KCNU1: variants seen among roughly 807,000 people sequenced by gnomAD.
The protein encoded by KCNU1 is potassium channel subfamily U member 1.
A neutral mutation model predicts 126.8 loss-of-function variants in KCNU1; 93 were observed. That is an observed-to-expected ratio of 0.73 (90% CI 0.62 to 0.87). KCNU1 has a LOEUF of 0.87. KCNU1 is among the 40% of genes least tolerant of loss of function. The probability of loss-of-function intolerance (pLI) is 0.00; values close to 1 mark genes in which losing one functional copy is unlikely to be tolerated. For missense variants in KCNU1, 1,330 were observed against 1,367.1 expected (o/e 0.97, Z 0.43); for synonymous variants, 523 against 494.2 (o/e 1.06, Z -0.77).
chr8:36,875,393 A>G (rs1806244054), intron 19 of KCNU1, among the ~76,000 whole-genome samples: 1 of 148,926 alleles, frequency 6.7e-6, no homozygotes, highest in Admixed American at 6.7e-5. Flanking sequence ...TATTACAGAT[A>G]TATAATAGTG....
At chr8:36,897,887 T>C (rs970968) in intron 19 of KCNU1, among the ~76,000 whole-genome samples, 58,531 of 151,960 alleles carry the variant, frequency 0.39, 11,419 homozygotes, top group Admixed American at 0.44. Context: ...AACACACAGA[T>C]GGGGAGGACT....
intron 18 of KCNU1, among the ~76,000 whole-genome samples, chr8:36,855,983 A>T (rs1805514960): frequency 6.6e-6 from 1 of 152,184 alleles, no homozygotes; most frequent in South Asian, 2.1e-4. Context: ...AGTCCACAAC[A>T]GTCACATTTT....
At chr8:36,905,615 T>C in intron 19 of KCNU1, 93 bp from the exon 20 acceptor site, 1 of 773,068 alleles carries the variant, frequency 1.3e-6, no homozygotes, top group South Asian at 1.4e-5. Context: ...ATTCTCCTCT[T>C]TGAGCTCAAG....
chr8:36,880,762 C>T (rs1282627269), intron 19 of KCNU1, among the ~76,000 whole-genome samples: 1 of 152,096 alleles, frequency 6.6e-6, no homozygotes, highest in African/African-American at 2.4e-5. Context: ...TTCCTGAGTG[C>T]CTCTTGCTGA....
intron 18 of KCNU1, among the ~76,000 whole-genome samples, chr8:36,851,493 G>C (rs10110896): frequency 0.4 from 60,769 of 151,488 alleles, 12,280 homozygotes; most frequent in Admixed American, 0.45. Flanking sequence ...GAGACCTCCC[G>C]AGCCATGCAG....
intron 19 of KCNU1, among the ~76,000 whole-genome samples, chr8:36,886,422 A>T (rs1280344778): frequency 6.6e-6 from 1 of 152,212 alleles, no homozygotes; most frequent in Admixed American, 6.5e-5. Flanking sequence ...TTCGGAAAGG[A>T]GACTTTATTT....
chr8:36,823,928 C>T (rs1804222965), intron 10 of KCNU1, among the ~76,000 whole-genome samples: 1 of 151,348 alleles, frequency 6.6e-6, no homozygotes, highest in Non-Finnish European at 1.5e-5. Context: ...ACCTCCGCCT[C>T]CCAGATTCAA....
intron 22 of KCNU1, among the ~76,000 whole-genome samples, chr8:36,914,560 C>CA (rs953542824): frequency 6.6e-6 from 1 of 152,132 alleles, no homozygotes; most frequent in African/African-American, 2.4e-5. Flanking sequence ...CAAGGCTATT[C>CA]ACTGCAGAAA....
At chr8:36,811,829 G>A (rs537434228) in intron 7 of KCNU1, among the ~76,000 whole-genome samples, 1 of 152,248 alleles carries the variant, frequency 6.6e-6, no homozygotes, top group Admixed American at 6.5e-5. Context: ...CTACTTGGGA[G>A]GCTGAGCCAG....
At chr8:36,823,859 A>C (rs539605918) in intron 10 of KCNU1, among the ~76,000 whole-genome samples, 2 of 145,514 alleles carry the variant, frequency 1.4e-5, no homozygotes, top group Non-Finnish European at 3.0e-5. Context: ...TTTTTTGAGA[A>C]GGAGTTTTGC....
At chr8:36,857,939 C>A (rs112273240) in intron 18 of KCNU1, among the ~76,000 whole-genome samples, 1 of 152,164 alleles carries the variant, frequency 6.6e-6, no homozygotes, top group Non-Finnish European at 1.5e-5. Context: ...AGCCACTGCA[C>A]CCAGCCACAA....
At chr8:36,861,988 C>G (rs1038079640) in intron 18 of KCNU1, among the ~76,000 whole-genome samples, 6 of 151,974 alleles carry the variant, frequency 3.9e-5, no homozygotes, top group African/African-American at 7.2e-5. Flanking sequence ...CCATGGTTTT[C>G]TTTGTTTGTT....
At chr8:36,853,849 T>C (rs545080547) in intron 18 of KCNU1, among the ~76,000 whole-genome samples, 1 of 152,272 alleles carries the variant, frequency 6.6e-6, no homozygotes, top group South Asian at 2.1e-4. Flanking sequence ...AATTACTGCC[T>C]AATGTGCTTG....
chr8:36,861,088 A>C (rs972292189), intron 18 of KCNU1, among the ~76,000 whole-genome samples: 2 of 152,164 alleles, frequency 1.3e-5, no homozygotes, highest in African/African-American at 4.8e-5. Context: ...AATGAAGAAC[A>C]GTCAGAAGTC....
intron 16 of KCNU1, among the ~76,000 whole-genome samples, chr8:36,843,669 T>C (rs1805037038): frequency 6.6e-6 from 1 of 152,236 alleles, no homozygotes; most frequent in Non-Finnish European, 1.5e-5. Flanking sequence ...GAAGACTGCA[T>C]GTTTAAATAG....
At chr8:36,827,471 G>A (rs1205767416) in intron 10 of KCNU1, among the ~76,000 whole-genome samples, 1 of 152,094 alleles carries the variant, frequency 6.6e-6, no homozygotes, top group East Asian at 1.9e-4. Flanking sequence ...TGCGTTCAGG[G>A]GAAGAAAATT....
chr8:36,796,285 C>T (rs187150068), intron 2 of KCNU1, among the ~76,000 whole-genome samples: 330 of 152,148 alleles, frequency 2.2e-3, no homozygotes, highest in African/African-American at 7.4e-3. Context: ...TTCTACTTCA[C>T]GGAATTTATG....
intron 2 of KCNU1, among the ~76,000 whole-genome samples, chr8:36,799,700 ATT>A (rs556183981): frequency 7.2e-6 from 1 of 139,728 alleles, no homozygotes; most frequent in Non-Finnish European, 1.6e-5. Flanking sequence ...ACACTTGGCT[ATT>A]TTTTTTTTTT....
chr8:36,886,250 T>C (rs1398958525), intron 19 of KCNU1, among the ~76,000 whole-genome samples: 1 of 152,194 alleles, frequency 6.6e-6, no homozygotes, highest in African/African-American at 2.4e-5. Context: ...AATTCCTAGC[T>C]AGATTAACAT....
Sources: allele counts gnomAD v4.1 joint callset (sites outside exome capture counted in the v4.1 genomes callset), GRCh38; gene constraint gnomAD v4.1.1; transcripts MANE v1.5; gene names NCBI Gene and HGNC (gene_info 2026-07-23, HGNC 2026-07-21).